Variants in COL23A1 observed in about 807,000 individuals in gnomAD.
COL23A1 encodes collagen alpha-1(XXIII) chain.
A neutral mutation model predicts 99.3 loss-of-function variants in COL23A1; 97 were observed. That is an observed-to-expected ratio of 0.98 (90% CI 0.83 to 1.16). The LOEUF (loss-of-function observed/expected upper bound fraction) is 1.16. COL23A1 is among the 50% of genes most tolerant of loss of function. The probability of loss-of-function intolerance (pLI) is 0.00; values close to 1 mark genes in which losing one functional copy is unlikely to be tolerated. For missense variants in COL23A1, 762 were observed against 757.4 expected (o/e 1.01, Z -0.07); for synonymous variants, 320 against 308.2 (o/e 1.04, Z -0.40).
chr5:178,258,911 G>GTAT (rs1218026962), intron 12 of COL23A1, among the ~76,000 whole-genome samples: 3 of 142,188 alleles, frequency 2.1e-5, no homozygotes, highest in Admixed American at 1.5e-4. Context: ...GTCCAGGGTG[G>GTAT]TCTTTTTTTT....
chr5:178,498,217 T>C lies in COL23A1; in HGVS notation c.361+62465A>G, dbSNP rs1209816072. ...CTGTCTTTATTTAAATATATATATA[T>C]ATATATATATATATATATATATATA... On this transcript the variant is annotated intron_variant, in intron 2 of 28. Coordinates refer to ENST00000390654, the MANE Select transcript of COL23A1 (RefSeq NM_173465.4). 1.8e-4 allele frequency among the ~76,000 whole-genome samples: 7 copies of C among 38,400 alleles called. No individual in the cohort carries two copies. The African/African-American group carries it at 1.8e-3, about 10-fold the overall frequency. 25.2% of individuals were successfully genotyped at this position (38,400 alleles called of 152,430 possible).
chr5:178,564,573 A>G (rs557238163), intron 1 of COL23A1, among the ~76,000 whole-genome samples: 28 of 152,318 alleles, frequency 1.8e-4, no homozygotes, highest in African/African-American at 6.5e-4. Context: ...CTCTAAAAGT[A>G]AATAAAGGAT....
intron 2 of COL23A1, among the ~76,000 whole-genome samples, chr5:178,363,105 C>T (rs1391128888): frequency 6.6e-6 from 1 of 151,462 alleles, no homozygotes; most frequent in African/African-American, 2.4e-5. Context: ...TAAGTCAATT[C>T]AAGTTGGCTG....
At chr5:178,443,778 AT>A (rs377093797) in intron 2 of COL23A1, among the ~76,000 whole-genome samples, 2,487 of 149,320 alleles carry the variant, frequency 0.017, 60 homozygotes, top group African/African-American at 0.053. Flanking sequence ...ATTTCTAAGC[AT>A]TTTTTTTTTA....
chr5:178,383,453 G>A lies in COL23A1; in HGVS notation c.362-76534C>T, dbSNP rs1041238562. Among the ~76,000 whole-genome samples, 68 of 152,322 alleles carry A rather than the reference G, an allele frequency of 4.5e-4. 2 individuals carry two copies. The highest frequency in any genetic ancestry group is 1.9e-4 in the Non-Finnish European group (13 of 68,028). On this transcript the variant is annotated intron_variant, in intron 2 of 28. Transcript: ENST00000390654. Reference sequence around the variant, plus strand: ...CTTGTTCCCCAGTCATGGCCCAGCCGGCCCCTTCCCGGCTCCCAGGGAAGT... The same window carrying A: ...CTTGTTCCCCAGTCATGGCCCAGCCAGCCCCTTCCCGGCTCCCAGGGAAGT...
At chr5:178,315,760 GA>G (rs749598397) in intron 2 of COL23A1, among the ~76,000 whole-genome samples, 10,936 of 123,940 alleles carry the variant, frequency 0.088, 521 homozygotes, top group Middle Eastern at 0.16. Context: ...TAGAAGCACT[GA>G]CTTTTTTTTT....
chr5:178,369,460 G>T (rs1170037240), intron 2 of COL23A1, among the ~76,000 whole-genome samples: 1 of 152,214 alleles, frequency 6.6e-6, no homozygotes, highest in Non-Finnish European at 1.5e-5. Context: ...TGTCCAGAAA[G>T]CACTCAGAGA....
intron 2 of COL23A1, among the ~76,000 whole-genome samples, chr5:178,392,727 G>T (rs1006726014): frequency 8.5e-5 from 13 of 152,202 alleles, no homozygotes; most frequent in Non-Finnish European, 1.8e-4. Flanking sequence ...ACTTGCAAAT[G>T]TAATAGTGAG....
intron 2 of COL23A1, among the ~76,000 whole-genome samples, chr5:178,362,797 C>T (rs563459579): frequency 6.6e-6 from 1 of 152,204 alleles, no homozygotes; most frequent in Non-Finnish European, 1.5e-5. Context: ...ATCCCAAGCA[C>T]TGGGAGAGGC....
chr5:178,348,040 T>C (rs1464683075), intron 2 of COL23A1, among the ~76,000 whole-genome samples: 1 of 152,128 alleles, frequency 6.6e-6, no homozygotes, highest in Non-Finnish European at 1.5e-5. Context: ...CCTGGATTCA[T>C]GCCTCCCAGC....
Position 178,242,620 on chromosome 5 carries a change from G to A in COL23A1, c.1441-226C>T, listed in dbSNP as rs111314670. On this transcript the variant is annotated intron_variant, in intron 25 of 28. Transcript: ENST00000390654. ...CAGCTGGGCTTGCTCCAAAGTAGTCGCTGGACACCAACACTCAGGCAGAGC... is the reference window on the plus strand; with the variant it reads ...CAGCTGGGCTTGCTCCAAAGTAGTCACTGGACACCAACACTCAGGCAGAGC... 3.3e-3 allele frequency among the ~76,000 whole-genome samples: 496 copies of A among 152,306 alleles called. 1 individual carries two copies. Among genetic ancestry groups the A allele is most frequent in the African/African-American group, 7.9e-3 (329 of 41,572 alleles).
chr5:178,518,764 C>T (rs1321606417), intron 2 of COL23A1, among the ~76,000 whole-genome samples: 23 of 150,410 alleles, frequency 1.5e-4, no homozygotes, highest in African/African-American at 5.3e-4. Context: ...AGGCTGCAAT[C>T]TCGGCACTTT....
intron 2 of COL23A1, among the ~76,000 whole-genome samples, chr5:178,346,835 G>A (rs963174370): frequency 8.5e-5 from 13 of 152,214 alleles, no homozygotes; most frequent in Admixed American, 2.0e-4. Flanking sequence ...AGCCTCTGAA[G>A]GCTGCAGATA....
In COL23A1 at chr5:178,255,338, A is replaced by G. The variant is rs910939947; in HGVS notation, c.883-312T>C. On this transcript the variant is annotated intron_variant, in intron 15 of 28. Transcript: ENST00000390654. The surrounding 1 kb of genome is among the most constrained non-coding windows in gnomAD (Gnocchi z 4.2). ...GATGTGACGCTCTTCAGATTTTTCA[A>G]TGTTGGCAACAAACAGAAAAGCCCC... 4.6e-5 allele frequency among the ~76,000 whole-genome samples: 7 copies of G among 152,194 alleles called. No homozygotes were observed. Among genetic ancestry groups the G allele is most frequent in the African/African-American group, 1.2e-4 (5 of 41,446 alleles).
intron 2 of COL23A1, among the ~76,000 whole-genome samples, chr5:178,388,981 G>A (rs140814603): frequency 1.3e-5 from 2 of 152,302 alleles, no homozygotes; most frequent in East Asian, 3.9e-4. Context: ...GACATCTCAT[G>A]AGTCAGGTGC....
intron 11 of COL23A1, 150 bp from the exon 12 acceptor site, chr5:178,259,897 G>A (rs996768351): frequency 2.6e-5 from 16 of 606,814 alleles, no homozygotes; most frequent in Admixed American, 2.1e-4. Context: ...AGAGAGCTGC[G>A]GCGGACAGTC....
intron 2 of COL23A1, among the ~76,000 whole-genome samples, chr5:178,502,000 G>A (rs1045897931): frequency 2.0e-5 from 3 of 152,238 alleles, no homozygotes; most frequent in Non-Finnish European, 2.9e-5. Flanking sequence ...GACAAAGACC[G>A]ACAATCTGAT....
At chr5:178,334,932 G>A (rs2127651930) in intron 2 of COL23A1, among the ~76,000 whole-genome samples, 1 of 152,318 alleles carries the variant, frequency 6.6e-6, no homozygotes, top group South Asian at 2.1e-4. Flanking sequence ...CATAGCCTGT[G>A]CCTCCCCCAC....
At chr5:178,492,595 G>A (rs78380231) in intron 2 of COL23A1, among the ~76,000 whole-genome samples, 2,909 of 151,946 alleles carry the variant, frequency 0.019, 44 homozygotes, top group Middle Eastern at 0.054. Context: ...GGAATGAAGC[G>A]CTGCAGTGAT....
Sources: gnomAD v4.1 joint callset for allele counts (sites outside exome capture counted in the v4.1 genomes callset) on GRCh38, gnomAD v4.1.1 for gene constraint, Gnocchi (gnomAD v3.1) non-coding constraint, MANE v1.5 for transcripts, NCBI Gene and HGNC (gene_info 2026-07-23, HGNC 2026-07-21) for gene names.